Variants in GSE1 observed in about 807,000 individuals in gnomAD.
GSE1 encodes the protein genetic suppressor element 1.
GSE1 carries 32 observed loss-of-function variants against 112.6 expected under a neutral mutation model. That is an observed-to-expected ratio of 0.28 (90% confidence interval 0.21 to 0.38). The LOEUF is 0.38. GSE1 is among the 10% of genes least tolerant of loss of function. The pLI is 1.00. For synonymous variants in GSE1, 1,115 were observed against 735.6 expected, an observed-to-expected ratio of 1.52 and a Z score of -8.35; for missense variants, 2,348 against 1,699.2, an observed-to-expected ratio of 1.38 and a Z score of -6.71.
chr16:85,398,150 A>T (rs981358509), intron 2 of GSE1, among the ~76,000 whole-genome samples: 2 of 152,180 alleles, frequency 1.3e-5, no homozygotes, highest in Non-Finnish European at 2.9e-5. Context: ...TCAGTACCTC[A>T]GTTTCCTCAT....
intron 1 of GSE1, among the ~76,000 whole-genome samples, chr16:85,354,674 A>G (rs2046915198): frequency 6.6e-6 from 1 of 152,168 alleles, no homozygotes; most frequent in South Asian, 2.1e-4. Context: ...CCTCCAGCCC[A>G]TCCCCTGGGG....
At chr16:85,277,161 T>G (rs1909449781) in intron 1 of GSE1, among the ~76,000 whole-genome samples, 13 of 147,242 alleles carry the variant, frequency 8.8e-5, no homozygotes, top group South Asian at 6.5e-4. Context: ...GCCTGTGGAG[T>G]GGGGAGAAAT....
chr16:85,661,373 T>G lies in GSE1; in HGVS notation c.1868T>G (p.Val623Gly). Reference protein sequence around the residue: ...EPSRQAAVPLVKVERVFCPEK... With the variant: ...EPSRQAAVPLGKVERVFCPEK... ...AGCCGCCAGGCAGCCGTGCCGCTGG[T>G]GAAGGTGGAGCGGGTCTTCTGCCCG... Residue 623 changes from valine to glycine, a missense_variant, in exon 9 of 16, where the codon GTG becomes GGG. Coordinates refer to ENST00000253458, the MANE Select transcript of GSE1 (RefSeq NM_014615.5). 6.2e-7 allele frequency: 1 copy of G among 1,612,320 alleles called. No individual in the cohort carries two copies. The highest frequency in any genetic ancestry group is 8.5e-7 in the Non-Finnish European group (1 of 1,179,712).
At chr16:85,352,598 C>T (rs951547122) in intron 1 of GSE1, among the ~76,000 whole-genome samples, 1 of 152,194 alleles carries the variant, frequency 6.6e-6, no homozygotes, top group African/African-American at 2.4e-5. Flanking sequence ...GGTTTCAGGG[C>T]CTGCTTTTTC....
chr16:85,657,569 G>C lies in GSE1; in HGVS notation c.1605G>C (p.Pro535=). 1 of 1,569,144 alleles carries C rather than the reference G, an allele frequency of 6.4e-7. No individual in the cohort carries two copies. Among genetic ancestry groups the C allele is most frequent in the South Asian group, 1.2e-5 (1 of 84,238 alleles). ...TGGATATGGGCCGGCCCCCGGTGCC[G>C]GCGGAGGCAGAGCACAGGCCGGAGA... The part of the protein sequence containing the change: ...QHLDMGRPPV[P]AEAEHRPEST... The change falls in exon 8 of 16, where the codon CCG becomes CCC. Residue 535 remains proline (P), a synonymous_variant. Coordinates refer to ENST00000253458, the MANE Select transcript of GSE1 (RefSeq NM_014615.5).
chr16:85,370,728 G>T lies in GSE1; in HGVS notation c.2464+13085G>T, dbSNP rs571564991. ...AACCCAGGGCTGGACACTGCAGAAG[G>T]CCTGGAGTGAGAACCCAGTGTGTGC... On this transcript the variant is annotated intron_variant, in intron 2 of 2. Coordinates refer to the GSE1 transcript ENST00000637419. 3.3e-5 allele frequency among the ~76,000 whole-genome samples: 5 copies of T among 152,324 alleles called. No individual in the cohort carries two copies. In the South Asian group the frequency reaches 6.2e-4, roughly 19 times the overall value.
chr16:85,282,550 C>T lies in GSE1; in HGVS notation c.2284-74913C>T, dbSNP rs74031775. Among the ~76,000 whole-genome samples the T allele has an allele frequency of 6.1e-3, 928 of 152,282 alleles. 12 individuals carry two copies. Among genetic ancestry groups the T allele is most frequent in the African/African-American group, 0.021 (876 of 41,564 alleles). The stretch of plus-strand genomic sequence containing the variant: ...TCAGAAAGTCAGAGTCGCACAGGAT[C>T]GGGGAAACGTTCAGGCATCCTGGAC... On this transcript the variant is annotated intron_variant, in intron 1 of 2. Coordinates refer to the GSE1 transcript ENST00000637419.
At chr16:85,187,238 T>A (rs2074722798) in intron 1 of GSE1, among the ~76,000 whole-genome samples, 1 of 152,206 alleles carries the variant, frequency 6.6e-6, no homozygotes, top group African/African-American at 2.4e-5. Context: ...CTGCAGCAGC[T>A]CCAGGGCCTT....
chr16:85,438,480 C>G (rs2049304010), intron 2 of GSE1, among the ~76,000 whole-genome samples: 1 of 152,188 alleles, frequency 6.6e-6, no homozygotes, highest in Non-Finnish European at 1.5e-5. Context: ...TGGACCTGCT[C>G]TAAACGCTGC....
chr16:85,646,889 ACAAG>A (rs1334768582), intron 2 of GSE1, among the ~76,000 whole-genome samples: 2 of 108,424 alleles, frequency 1.8e-5, no homozygotes, highest in East Asian at 6.4e-4. Context: ...GATCCCCACA[ACAAG>A]GGGGGGGGTG....
chr16:85,481,094 C>T (rs9933220), intron 2 of GSE1, among the ~76,000 whole-genome samples: 90,488 of 152,080 alleles, frequency 0.6, 27,109 homozygotes, highest in Non-Finnish European at 0.6. Flanking sequence ...GGCCCTGACA[C>T]CTGCTCTTCC....
intron 1 of GSE1, among the ~76,000 whole-genome samples, chr16:85,331,612 TA>T (rs1381188878): frequency 0.19 from 22,442 of 118,610 alleles, 4,095 homozygotes; most frequent in Non-Finnish European, 0.25. Flanking sequence ...TATTTGTGTA[TA>T]TATGTGTGTA....
At chr16:85,362,831 CTTTTTTTTTTTTT>C (rs67922655) in intron 2 of GSE1, among the ~76,000 whole-genome samples, 1 of 103,480 alleles carries the variant, frequency 9.7e-6, no homozygotes, top group Non-Finnish European at 1.9e-5. Context: ...TTATTGATAT[CTTTTTTTTTTTTT>C]TTTTTTTTTG....
chr16:85,170,766 C>A, exon 1 of GSE1: 1 of 985,496 alleles, frequency 1.0e-6, no homozygotes, highest in Non-Finnish European at 1.2e-6. Flanking sequence ...AGCCCATCAG[C>A]GAGGGCGGCA....
intron 7 of GSE1, 102 bp downstream of exon 7, chr16:85,656,767 C>T (rs2051995508): frequency 1.1e-5 from 15 of 1,411,428 alleles, no homozygotes; most frequent in Non-Finnish European, 1.4e-5. Context: ...TAAATGTTCC[C>T]CAGCTGAGTT....
At position 85,661,327 on chromosome 16, in the gene GSE1, C is replaced by T. The variant is rs998051046; in HGVS notation, c.1822C>T (p.His608Tyr). The change falls in exon 9 of 16, where the codon CAC becomes TAC. Residue 608 changes from histidine to tyrosine, a missense_variant. Physicochemically the swap from His to Tyr is moderately conservative, Grantham distance 83. Coordinates refer to ENST00000253458, the MANE Select transcript of GSE1 (RefSeq NM_014615.5). The part of the protein sequence containing the change: ...RRAESHSLHS[H>Y]PAAFEPSRQA... ...GGCCGAAAGCCACTCTCTGCACAGC[C>T]ACCCGGCTGCATTTGAGCCCAGCCG... 3 of 1,612,254 alleles carry T rather than the reference C, an allele frequency of 1.9e-6. No homozygotes were observed. Among genetic ancestry groups the T allele is most frequent in the Non-Finnish European group, 2.5e-6 (3 of 1,179,692 alleles).
At chr16:85,463,105 C>T in intron 2 of GSE1, 1 of 985,202 alleles carries the variant, frequency 1.0e-6, no homozygotes, top group Non-Finnish European at 1.2e-6. Context: ...AAGACCTGGT[C>T]GTCTCTGCTC....
At chr16:85,300,402 T>C (rs554993656) in intron 1 of GSE1, among the ~76,000 whole-genome samples, 5 of 152,316 alleles carry the variant, frequency 3.3e-5, no homozygotes, top group South Asian at 2.1e-4. Context: ...TCCCAAACTT[T>C]CTCCTCTTCC....
chr16:85,334,399 G>A (rs1028512692), intron 1 of GSE1, among the ~76,000 whole-genome samples: 1 of 152,232 alleles, frequency 6.6e-6, no homozygotes, highest in Non-Finnish European at 1.5e-5. Flanking sequence ...GGTTGCTGGA[G>A]TCACCATCCT....
Sources: gnomAD v4.1 joint callset for allele counts (sites outside exome capture counted in the v4.1 genomes callset) on GRCh38, gnomAD v4.1.1 for gene constraint, MANE v1.5 for transcripts, NCBI Gene and HGNC (gene_info 2026-07-23, HGNC 2026-07-21) for gene names.